SP1: variants seen among roughly 807,000 people sequenced by gnomAD.
SP1 encodes Sp1 transcription factor, also known as transcription factor Sp1.
In SP1, 6 loss-of-function variants were observed where a neutral mutation model predicts 66.3. That is an observed-to-expected ratio of 0.09 (90% CI 0.05 to 0.18). The LOEUF is 0.18. Among genes scored for constraint, SP1 ranks in the 10% least tolerant of loss-of-function variants. The pLI is 1.00. For synonymous variants in SP1, 417 were observed against 360.8 expected (o/e 1.16, Z -1.77); for missense variants, 848 against 964.5 (o/e 0.88, Z 1.60).
chr12:53,406,459 A>G (rs1938741172), intron 3 of SP1, 126 bp from the exon 4 acceptor site: 2 of 765,906 alleles, frequency 2.6e-6, no homozygotes, highest in Non-Finnish European at 2.1e-6. Context: ...AGGCTTCAAA[A>G]CTTGTGATAC....
chr12:53,380,713 C>T (rs1396975666), intron 1 of SP1: 14 of 969,180 alleles, frequency 1.4e-5, no homozygotes, highest in Non-Finnish European at 1.6e-5. Flanking sequence ...GCCCTCCTCC[C>T]CCCACTTTCC....
chr12:53,380,584 C>G, intron 1 of SP1: 1 of 966,878 alleles, frequency 1.0e-6, no homozygotes, highest in Non-Finnish European at 1.3e-6. Context: ...CACTACTCGG[C>G]CGCCCGCCTG....
chr12:53,384,512 T>A (rs946178908), intron 3 of SP1, among the ~76,000 whole-genome samples: 1 of 152,108 alleles, frequency 6.6e-6, no homozygotes, highest in Admixed American at 6.6e-5. Flanking sequence ...CTCGAACTCC[T>A]GACCTCATGT....
intron 3 of SP1, among the ~76,000 whole-genome samples, chr12:53,387,165 C>T (rs1938248789): frequency 6.6e-6 from 1 of 151,970 alleles, no homozygotes. Flanking sequence ...GCTGGTCAGG[C>T]TGGTCTCGAA....
At chr12:53,391,221 A>G (rs191944074) in intron 3 of SP1, among the ~76,000 whole-genome samples, 107 of 152,148 alleles carry the variant, frequency 7.0e-4, no homozygotes, top group African/African-American at 2.5e-3. Flanking sequence ...AGGGCCTGGT[A>G]TGCTAAAGGA....
intron 3 of SP1, among the ~76,000 whole-genome samples, chr12:53,404,328 G>A (rs574424535): frequency 1.6e-3 from 237 of 152,092 alleles, no homozygotes; most frequent in African/African-American, 5.5e-3. Flanking sequence ...TCAGGAGTTC[G>A]AGACCAGCCT....
chr12:53,401,355 G>A (rs1285398671), intron 3 of SP1, among the ~76,000 whole-genome samples: 1 of 151,112 alleles, frequency 6.6e-6, no homozygotes, highest in East Asian at 2.0e-4. Flanking sequence ...GGAGGCTGAG[G>A]CAGGAGAATC....
chr12:53,386,908 T>C (rs4759334), intron 3 of SP1, among the ~76,000 whole-genome samples: 9,889 of 150,992 alleles, frequency 0.065, 456 homozygotes, highest in Non-Finnish European at 0.1. Flanking sequence ...TAGTTTAATA[T>C]CACCAAATAA....
At chr12:53,403,774 G>T (rs1367480544) in intron 3 of SP1, among the ~76,000 whole-genome samples, 1 of 152,102 alleles carries the variant, frequency 6.6e-6, no homozygotes. Flanking sequence ...AGTAGCTAAT[G>T]TCTATAATCA....
intron 1 of SP1, 125 bp from the exon 2 acceptor site, chr12:53,381,534 C>T (rs1012715570): frequency 3.6e-6 from 3 of 829,514 alleles, no homozygotes; most frequent in Non-Finnish European, 5.5e-6. Flanking sequence ...AATCCATTTT[C>T]TTTATACTGG....
At chr12:53,381,843 G>T (rs1268791452) in intron 2 of SP1, 30 bp downstream of exon 2, 5 of 1,592,378 alleles carry the variant, frequency 3.1e-6, no homozygotes, top group Non-Finnish European at 4.3e-6. Flanking sequence ...TGGGGAAGGT[G>T]TTGAGAAGAT....
intron 3 of SP1, among the ~76,000 whole-genome samples, chr12:53,397,866 T>C (rs1196171369): frequency 6.6e-6 from 1 of 152,192 alleles, no homozygotes; most frequent in Non-Finnish European, 1.5e-5. Context: ...AGATAATCTT[T>C]TACTTGTATC....
chr12:53,381,601 C>T (rs1938098677), intron 1 of SP1, 58 bp from the exon 2 acceptor site: 3 of 1,483,742 alleles, frequency 2.0e-6, no homozygotes, highest in East Asian at 4.6e-5. Flanking sequence ...TTTTATCCTT[C>T]CTACTTCATT....
In SP1 at chr12:53,406,621, G is replaced by T. The variant is rs1265176265; in HGVS notation, c.1712G>T (p.Gly571Val). ...HGAQLGLHGA[G>V]GDGIHDDTAG... ...GCTCAGCTTGGTCTCCATGGGGCTG[G>T]TGGTGATGGAATACATGATGACACA... Residue 571 changes from glycine to valine, a missense_variant, in exon 4 of 6, where the codon GGT becomes GTT. By Grantham distance (109) the Gly-to-Val change is moderately radical. Around this residue, in one of 7 missense-constraint regions of SP1, gnomAD observed 606 missense variants for 589.9 expected, o/e 1.03. Transcript: ENST00000327443. The T allele has an allele frequency of 3.7e-6, 6 of 1,613,882 alleles. No individual in the cohort carries two copies. The highest frequency in any genetic ancestry group is 1.3e-5 in the African/African-American group (1 of 74,870).
At chr12:53,396,968 T>TA (rs1195821542) in intron 3 of SP1, among the ~76,000 whole-genome samples, 13 of 151,484 alleles carry the variant, frequency 8.6e-5, no homozygotes, top group East Asian at 1.9e-4. Context: ...TTCTGTAAAT[T>TA]AAAAAAAAAT....
rs371110043 is a variant in SP1 at position 53,393,610 on chromosome 12, A to G, written c.1675+9988A>G. Among the ~76,000 whole-genome samples, 19 of 127,258 alleles carry G rather than the reference A, an allele frequency of 1.5e-4. No homozygotes were observed. The East Asian group carries it at 2.1e-3, about 14-fold the overall frequency. The allele number at this position is 127,258 out of a possible 152,430, so 83.5% of individuals were successfully genotyped here. A position where few individuals can be genotyped will look rare whatever the true frequency, so the allele number is the denominator to read the frequency against. ...CATTTTCCTTTTTTTTTTTTTTTCA[A>G]TTTTGAGACGGAATTCTCCTCTTGT... On this transcript the variant is annotated intron_variant, in intron 3 of 5. Transcript: ENST00000327443.
In SP1 at chr12:53,415,535, C is replaced by T. The variant is rs1938978430; in HGVS notation, c.*4295C>T. 1 of 152,290 alleles carries T rather than the reference C, an allele frequency of 6.6e-6. No individual in the cohort carries two copies. The highest frequency in any genetic ancestry group is 2.4e-5 in the African/African-American group (1 of 41,302). The allele number at this position is 152,290 out of a possible 1,614,324, so 9.4% of individuals were successfully genotyped here. A position where few individuals can be genotyped will look rare whatever the true frequency, so the allele number is the denominator to read the frequency against. On this transcript the variant is annotated 3_prime_UTR_variant, in exon 6 of 6. Transcript: ENST00000327443. The stretch of plus-strand genomic sequence containing the variant: ...GAGGAGTATTTTGTCCCATTTTCCC[C>T]TTCCTCATTATCAAACAGCCCCAGT...
At chr12:53,396,384 G>A (rs949738974) in intron 3 of SP1, among the ~76,000 whole-genome samples, 9 of 151,680 alleles carry the variant, frequency 5.9e-5, no homozygotes, top group African/African-American at 1.7e-4. Context: ...CCTGGCCAAC[G>A]TGGTAAAACC....
At chr12:53,384,916 C>T (rs2136891407) in intron 3 of SP1, among the ~76,000 whole-genome samples, 1 of 151,248 alleles carries the variant, frequency 6.6e-6, no homozygotes, top group African/African-American at 2.4e-5. Context: ...ATCTGGGAGG[C>T]AGAGGTTGCA....
Sources: allele counts gnomAD v4.1 joint callset (sites outside exome capture counted in the v4.1 genomes callset), GRCh38; gene constraint gnomAD v4.1.1; regional missense constraint gnomAD v4.1.1; transcripts MANE v1.5; gene names NCBI Gene and HGNC (gene_info 2026-07-23, HGNC 2026-07-21).